The following CCDC63 variants were observed in gnomAD, a reference collection of about 807,000 sequenced individuals.
CCDC63 encodes the protein coiled-coil domain-containing protein 63.
CCDC63 carries 54 observed loss-of-function variants against 63.6 expected under a neutral mutation model. The ratio of observed to expected loss-of-function variants is 0.85; its 90% CI spans 0.68 to 1.07. The LOEUF is 1.07. Among genes scored for constraint, CCDC63 ranks in the 50% least tolerant of loss-of-function variants. CCDC63 has a pLI of 0.00. For missense variants in CCDC63, 637 were observed against 689.6 expected (o/e 0.92, Z 0.86); for synonymous variants, 253 against 266.1 (o/e 0.95, Z 0.48).
intron 5 of CCDC63, among the ~76,000 whole-genome samples, chr12:110,876,105 C>CAAAAAAAA (rs35045738): frequency 1.2e-5 from 1 of 86,736 alleles, no homozygotes; most frequent in Non-Finnish European, 2.4e-5. Context: ...GAACCTGTCT[C>CAAAAAAAA]AAAAAAAAAA....
chr12:110,867,128 A>C (rs1460643402), intron 4 of CCDC63, among the ~76,000 whole-genome samples: 2 of 88,132 alleles, frequency 2.3e-5, no homozygotes, highest in African/African-American at 4.4e-5. Context: ...AGGGGGGCTG[A>C]CCCCCCCCAC....
intron 8 of CCDC63, among the ~76,000 whole-genome samples, chr12:110,885,216 G>A (rs2071264330): frequency 6.6e-6 from 1 of 151,686 alleles, no homozygotes; most frequent in African/African-American, 2.4e-5. Flanking sequence ...TATGCAAGAG[G>A]GACCTGCAAA....
intron 1 of CCDC63, among the ~76,000 whole-genome samples, chr12:110,851,596 G>C (rs1053631760): frequency 3.9e-5 from 6 of 152,122 alleles, no homozygotes; most frequent in African/African-American, 7.2e-5. Flanking sequence ...TCTTGAAGGT[G>C]GTGGGGTATG....
At chr12:110,895,412 G>A (rs2071406385) in intron 9 of CCDC63, among the ~76,000 whole-genome samples, 1 of 152,198 alleles carries the variant, frequency 6.6e-6, no homozygotes, top group Non-Finnish European at 1.5e-5. Flanking sequence ...ACTGTGCCTG[G>A]CCAGAATCAG....
intron 9 of CCDC63, among the ~76,000 whole-genome samples, chr12:110,897,750 T>TTTGG (rs1192289681): frequency 6.7e-6 from 1 of 149,578 alleles, no homozygotes; most frequent in African/African-American, 2.5e-5. Context: ...TTTTTTTTTT[T>TTTGG]GAGATAGAGT....
chr12:110,895,122 A>G (rs1008165315), intron 9 of CCDC63, among the ~76,000 whole-genome samples: 20 of 146,544 alleles, frequency 1.4e-4, no homozygotes, highest in African/African-American at 5.1e-4. Context: ...TTAATTAATT[A>G]ATTAATTTTG....
intron 4 of CCDC63, among the ~76,000 whole-genome samples, chr12:110,870,232 C>A (rs1183618362): frequency 6.6e-6 from 1 of 152,164 alleles, no homozygotes; most frequent in Non-Finnish European, 1.5e-5. Flanking sequence ...CAGGCGCCCA[C>A]CACCATGCCT....
chr12:110,870,335 G>A (rs2071048216), intron 4 of CCDC63, among the ~76,000 whole-genome samples: 1 of 152,188 alleles, frequency 6.6e-6, no homozygotes, highest in African/African-American at 2.4e-5. Flanking sequence ...ACCAGCCTGG[G>A]CCTCCCAATG....
Position 110,907,271 on chromosome 12 carries a change from C to T in CCDC63, c.1547-60C>T, listed in dbSNP as rs1295645059. On this transcript the variant is annotated intron_variant, in intron 11 of 11. Transcript: ENST00000308208. This position sits in a 1 kb window ranked among gnomAD's most constrained non-coding sequence, Gnocchi z 4.4. Reference sequence around the variant, plus strand: ...TGCTATGGAGGGACGCCAAACCAGGCTTAGCCCCAGCCCTGGGGTTGATTT... The same window carrying T: ...TGCTATGGAGGGACGCCAAACCAGGTTTAGCCCCAGCCCTGGGGTTGATTT... 4.5e-6 allele frequency: 7 copies of T among 1,567,384 alleles called. No individual in the cohort carries two copies. In the Admixed American group the frequency reaches 1.2e-4, roughly 27 times the overall value.
At chr12:110,880,356 C>A (rs2071183859) in intron 6 of CCDC63, among the ~76,000 whole-genome samples, 1 of 152,154 alleles carries the variant, frequency 6.6e-6, no homozygotes, top group Non-Finnish European at 1.5e-5. Context: ...AAATGCCTAC[C>A]TGAGATCCAG....
chr12:110,871,027 C>T (rs1487413822), intron 4 of CCDC63, among the ~76,000 whole-genome samples: 1 of 152,218 alleles, frequency 6.6e-6, no homozygotes. Flanking sequence ...AGCCCAGTGG[C>T]TTTGCCTCAG....
chr12:110,879,054 C>T (rs905445218), intron 5 of CCDC63, among the ~76,000 whole-genome samples: 5 of 152,214 alleles, frequency 3.3e-5, no homozygotes, highest in African/African-American at 1.2e-4. Context: ...AGTGTCACGA[C>T]ATTTCACCCC....
At chr12:110,895,553 T>C (rs1441819785) in intron 9 of CCDC63, among the ~76,000 whole-genome samples, 1 of 152,224 alleles carries the variant, frequency 6.6e-6, no homozygotes, top group Non-Finnish European at 1.5e-5. Context: ...ACATCCATCA[T>C]GGGAGGGTTT....
rs562082431 is a variant in CCDC63, at chr12:110,874,521, G to A, written c.489+560G>A. Among the ~76,000 whole-genome samples the A allele has an allele frequency of 3.3e-5, 5 of 152,374 alleles. No homozygotes were observed. The South Asian group carries it at 1.0e-3, about 32-fold the overall frequency. ...AGAATTGAAAGATCCAGAGGAGGAA[G>A]TGGGGCCTTCAGGCATAGCTGGATC... On this transcript the variant is annotated intron_variant, in intron 5 of 11. Transcript: ENST00000308208.
intron 4 of CCDC63, 29 bp downstream of exon 4, chr12:110,858,804 A>G (rs771822648): frequency 6.3e-7 from 1 of 1,596,594 alleles, no homozygotes; most frequent in East Asian, 2.2e-5. Context: ...AGGGTTAACC[A>G]GAACACAGAG....
chr12:110,896,055 C>A (rs1485391223), intron 9 of CCDC63, among the ~76,000 whole-genome samples: 3 of 152,186 alleles, frequency 2.0e-5, no homozygotes, highest in Non-Finnish European at 2.9e-5. Flanking sequence ...TGTATTATAA[C>A]CACCACATCA....
At chr12:110,868,408 C>T (rs1329393628) in intron 4 of CCDC63, among the ~76,000 whole-genome samples, 2 of 150,138 alleles carry the variant, frequency 1.3e-5, no homozygotes, top group Admixed American at 6.7e-5. Flanking sequence ...TGTAGCGAGC[C>T]GAGATCACGC....
rs2071244550 is a variant in CCDC63, at chr12:110,884,052, CAAG to C, written c.882_884del (p.Lys294del). On this transcript the variant is annotated inframe_deletion, in exon 8 of 12. Coordinates refer to ENST00000308208, the MANE Select transcript of CCDC63 (RefSeq NM_152591.3). ...TAGCTCTCAAGGCAAAGAAGCATGTCAAGAAGAACAGGGGAGAGAGTTTTGAGA... is the reference window on the plus strand; with the variant it reads ...TAGCTCTCAAGGCAAAGAAGCATGTCAAGAACAGGGGAGAGAGTTTTGAGA... 3.7e-6 allele frequency: 6 copies of C among 1,613,794 alleles called. No individual in the cohort carries two copies. The highest frequency in any genetic ancestry group is 5.1e-6 in the Non-Finnish European group (6 of 1,179,908).
chr12:110,896,954 A>T (rs916811246), intron 9 of CCDC63, among the ~76,000 whole-genome samples: 1 of 152,100 alleles, frequency 6.6e-6, no homozygotes, highest in Non-Finnish European at 1.5e-5. Flanking sequence ...AAGAATATGC[A>T]TTTCTAACAA....
Sources: allele counts gnomAD v4.1 joint callset (sites outside exome capture counted in the v4.1 genomes callset), GRCh38; gene constraint gnomAD v4.1.1; non-coding constraint Gnocchi (gnomAD v3.1); transcripts MANE v1.5; gene names NCBI Gene and HGNC (gene_info 2026-07-23, HGNC 2026-07-21).